LHX4: variants seen among roughly 807,000 people sequenced by gnomAD.
The protein encoded by LHX4 is LIM homeobox 4, also known as LIM/homeobox protein Lhx4.
A neutral mutation model predicts 39.2 loss-of-function variants in LHX4; 16 were observed. The ratio of observed to expected loss-of-function variants is 0.41; its 90% CI spans 0.28 to 0.62. LHX4 has a LOEUF of 0.62. Ranked by LOEUF, LHX4 falls within the 20% of genes least tolerant of loss-of-function variation. LHX4 has a pLI of 0.33. For missense variants in LHX4, 439 were observed against 511.9 expected, an observed-to-expected ratio of 0.86 and a Z score of 1.37; for synonymous variants, 206 against 198.1, an observed-to-expected ratio of 1.04 and a Z score of -0.33.
Position 180,278,200 on chromosome 1 carries a change from T to C in LHX4, c.*3621T>C, listed in dbSNP as rs1046979422. ...GGTCTGGAAGGCCTGAGGAGGCTCATTTTTAAACACTGCACTTTAAAAATT... is the reference window on the plus strand; with the variant it reads ...GGTCTGGAAGGCCTGAGGAGGCTCACTTTTAAACACTGCACTTTAAAAATT... On this transcript the variant is annotated 3_prime_UTR_variant, in exon 6 of 6. Coordinates refer to ENST00000263726, the MANE Select transcript of LHX4 (RefSeq NM_033343.4). 2.0e-5 allele frequency: 3 copies of C among 152,240 alleles called. No individual in the cohort carries two copies. The highest frequency in any genetic ancestry group is 7.2e-5 in the African/African-American group (3 of 41,454). The allele number at this position is 152,240 out of a possible 1,614,324, so 9.4% of individuals were successfully genotyped here.
At chr1:180,251,103 C>T (rs985101176) in intron 2 of LHX4, among the ~76,000 whole-genome samples, 15 of 152,220 alleles carry the variant, frequency 9.9e-5, no homozygotes, top group African/African-American at 2.9e-4. Flanking sequence ...TGGGCCTTCC[C>T]GCCAGGTGAG....
At chr1:180,260,429 T>C (rs1375081064) in intron 2 of LHX4, among the ~76,000 whole-genome samples, 2 of 151,680 alleles carry the variant, frequency 1.3e-5, no homozygotes. Context: ...CTCAAGCCTG[T>C]CTTGCACTGG....
intron 1 of LHX4, among the ~76,000 whole-genome samples, chr1:180,233,003 G>A (rs1010490293): frequency 6.6e-6 from 1 of 152,206 alleles, no homozygotes; most frequent in Non-Finnish European, 1.5e-5. Flanking sequence ...ATCACATGGA[G>A]TCACCACGAA....
In LHX4 at chr1:180,250,820, G is replaced by A. The variant is rs568649390; in HGVS notation, c.248+2364G>A. 1.3e-3 allele frequency among the ~76,000 whole-genome samples: 203 copies of A among 152,290 alleles called. 1 individual carries two copies. Among genetic ancestry groups the A allele is most frequent in the Non-Finnish European group, 1.7e-3 (118 of 68,012 alleles). On this transcript the variant is annotated intron_variant, in intron 2 of 5. Transcript: ENST00000263726. Reference sequence around the variant, plus strand: ...AGGCGTGGGGTTGGGTTTGGGAGAAGTAATGACCAGGAAAGAGGGTCTCCC... The same window carrying A: ...AGGCGTGGGGTTGGGTTTGGGAGAAATAATGACCAGGAAAGAGGGTCTCCC...
chr1:180,229,416 G>T (rs565523038), upstream of LHX4, among the ~76,000 whole-genome samples: 11 of 152,110 alleles, frequency 7.2e-5, no homozygotes, highest in East Asian at 1.2e-3. Flanking sequence ...CGGTCTGCGG[G>T]GACGCGCGCG....
chr1:180,261,902 C>T (rs1173374795), intron 2 of LHX4, among the ~76,000 whole-genome samples: 5 of 152,198 alleles, frequency 3.3e-5, no homozygotes, highest in Non-Finnish European at 7.4e-5. Context: ...GGGAAGAAAA[C>T]AATCCCAGGA....
rs569913726 is a variant in LHX4, at chr1:180,271,890, G to T, written c.662G>T (p.Arg221Leu). 1.9e-6 allele frequency: 3 copies of T among 1,613,542 alleles called. No homozygotes were observed. The highest frequency in any genetic ancestry group is 2.5e-6 in the Non-Finnish European group (3 of 1,179,958). Residue 221 changes from arginine (R) to leucine (L), a missense_variant, in exon 5 of 6, where the codon CGG (arginine) becomes CTG (leucine). Arg to Leu is a moderately radical substitution (Grantham distance 102). Transcript: ENST00000263726. ...AAACGCCTGAAGAAGGATGCAGGGCGGCACCGCTGGGGGCAGTTCTATAAG... is the reference window on the plus strand; with the variant it reads ...AAACGCCTGAAGAAGGATGCAGGGCTGCACCGCTGGGGGCAGTTCTATAAG... ...KEKRLKKDAGRHRWGQFYKSV... is the reference protein window; with the variant it reads ...KEKRLKKDAGLHRWGQFYKSV...
At chr1:180,261,204 C>T (rs1452871725) in intron 2 of LHX4, among the ~76,000 whole-genome samples, 4 of 147,716 alleles carry the variant, frequency 2.7e-5, no homozygotes, top group South Asian at 2.1e-4. Context: ...CTCGGGAGGC[C>T]GGGGAGAGGG....
At chr1:180,248,198 A>G (rs1647461260) in intron 1 of LHX4, 87 bp from the exon 2 acceptor site, 17 of 1,294,492 alleles carry the variant, frequency 1.3e-5, no homozygotes, top group Middle Eastern at 4.2e-4. Context: ...CACCATCAGC[A>G]GAGTGGGAAG....
Position 180,271,948 on chromosome 1 carries a change from G to C in LHX4, c.720G>C (p.Gln240His), listed in dbSNP as rs1056096152. The change falls in exon 5 of 6, where the codon CAG becomes CAC. Residue 240 changes from glutamine (Q) to histidine (H), a missense_variant. Physicochemically the swap from Gln to His is conservative, Grantham distance 24. Coordinates refer to ENST00000263726, the MANE Select transcript of LHX4 (RefSeq NM_033343.4). ...SVKRSRGSSK[Q>H]EKESSAEDCG... ...AGAGGAGCCGGGGCAGCAGCAAGCAGGAGAAGGAGAGCTCTGCAGAGGACT... is the reference window on the plus strand; with the variant it reads ...AGAGGAGCCGGGGCAGCAGCAAGCACGAGAAGGAGAGCTCTGCAGAGGACT... 4 of 1,613,242 alleles carry C rather than the reference G, an allele frequency of 2.5e-6. No individual in the cohort carries two copies. Among genetic ancestry groups the C allele is most frequent in the Non-Finnish European group, 3.4e-6 (4 of 1,179,896 alleles).
chr1:180,253,604 G>T (rs1057171428), intron 2 of LHX4, among the ~76,000 whole-genome samples: 1 of 152,252 alleles, frequency 6.6e-6, no homozygotes, highest in Admixed American at 6.5e-5. Flanking sequence ...CAGTTTGTCA[G>T]CACAGGTAAC....
chr1:180,249,650 G>A (rs1490369529), intron 2 of LHX4, among the ~76,000 whole-genome samples: 1 of 152,156 alleles, frequency 6.6e-6, no homozygotes, highest in African/African-American at 2.4e-5. Context: ...TGTGAGTCCT[G>A]GATACAGAAT....
Position 180,230,700 on chromosome 1 carries a change from G to A in LHX4, c.76+95G>A, listed in dbSNP as rs185090999. On this transcript the variant is annotated intron_variant, in intron 1 of 5. Coordinates refer to ENST00000263726, the MANE Select transcript of LHX4 (RefSeq NM_033343.4). This position sits in a 1 kb window ranked among gnomAD's most constrained non-coding sequence, Gnocchi z 5.8. Reference sequence around the variant, plus strand: ...GGGCCGGACGCCGCTCAGGGGCCGGGAGGGGCTGGCGGCCGGGGCGCAGAG... The same window carrying A: ...GGGCCGGACGCCGCTCAGGGGCCGGAAGGGGCTGGCGGCCGGGGCGCAGAG... 6.8e-3 allele frequency: 8,468 copies of A among 1,242,870 alleles called. 36 individuals are homozygous for A. The highest frequency in any genetic ancestry group is 8.2e-3 in the Non-Finnish European group (7,031 of 859,138). The allele number at this position is 1,242,870 out of a possible 1,614,324, so 77.0% of individuals were successfully genotyped here.
At chr1:180,229,968 G>C (rs1226525601), upstream of LHX4, among the ~76,000 whole-genome samples, 26 of 140,972 alleles carry the variant, frequency 1.8e-4, 1 homozygote, top group South Asian at 1.4e-3. Flanking sequence ...GCGGGGAGGG[G>C]GGGGGGGTGC....
At chr1:180,270,001 C>G (rs1027541319) in intron 3 of LHX4, 2 of 152,242 alleles carry the variant, frequency 1.3e-5, no homozygotes, top group African/African-American at 4.8e-5. Context: ...GGTGTGTCCC[C>G]CCTCACTGTG....
Position 180,234,169 on chromosome 1 carries a change from T to TTATATACATATA in LHX4, c.76+3570_76+3571insCATATATATATA, listed in dbSNP as rs1664249170. On this transcript the variant is annotated intron_variant, in intron 1 of 5. Transcript: ENST00000263726. The surrounding 1 kb of genome is among the most constrained non-coding windows in gnomAD (Gnocchi z 4.8). ...AACAGACACACACAACACACACAAA[T>TTATATACATATA]TATATATATATATATATATATATAT... Among the ~76,000 whole-genome samples, 6 of 53,610 alleles carry TTATATACATATA rather than the reference T, an allele frequency of 1.1e-4. No individual in the cohort carries two copies. Among genetic ancestry groups the TTATATACATATA allele is most frequent in the Admixed American group, 2.5e-4 (1 of 4,012 alleles). 35.2% of individuals were successfully genotyped at this position (53,610 alleles called of 152,430 possible).
In LHX4 at chr1:180,276,269, T is replaced by G. The variant is rs2149270275; in HGVS notation, c.*1690T>G. On this transcript the variant is annotated 3_prime_UTR_variant, in exon 6 of 6. Transcript: ENST00000263726. ...AGACTTAGGCATGTCATAGGCAGAC[T>G]AAAGGAAGAATACACAGTTCCTCTT... 6.6e-6 allele frequency: 1 copy of G among 152,360 alleles called. No individual in the cohort carries two copies. The allele number at this position is 152,360 out of a possible 1,614,324, so 9.4% of individuals were successfully genotyped here.
chr1:180,229,801 G>A (rs1051884397), upstream of LHX4, among the ~76,000 whole-genome samples: 3 of 150,996 alleles, frequency 2.0e-5, no homozygotes, highest in Admixed American at 2.0e-4. Flanking sequence ...CCGAACGGAG[G>A]AGTGAGGAGG....
At chr1:180,241,002 C>T (rs796143058) in intron 1 of LHX4, among the ~76,000 whole-genome samples, 4 of 152,336 alleles carry the variant, frequency 2.6e-5, no homozygotes, top group African/African-American at 9.6e-5. Flanking sequence ...GAAATAGTCT[C>T]TTTTCCTTTG....
Sources: allele counts gnomAD v4.1 joint callset (sites outside exome capture counted in the v4.1 genomes callset), GRCh38; gene constraint gnomAD v4.1.1; non-coding constraint Gnocchi (gnomAD v3.1); transcripts MANE v1.5; gene names NCBI Gene and HGNC (gene_info 2026-07-23, HGNC 2026-07-21).